The following BOD1L1 variants were observed in gnomAD, a reference collection of about 807,000 sequenced individuals.
BOD1L1 encodes biorientation of chromosomes in cell division 1 like 1, also known as biorientation of chromosomes in cell division protein 1-like 1.
BOD1L1 carries 86 observed loss-of-function variants against 240.7 expected under a neutral mutation model. The observed-to-expected ratio is 0.36, with a 90% CI of 0.30 to 0.43. BOD1L1 has a LOEUF of 0.43. BOD1L1 is among the 20% of genes least tolerant of loss of function. BOD1L1 has a pLI of 1.00. For synonymous variants in BOD1L1, 1,268 were observed against 1,272.3 expected, an observed-to-expected ratio of 1.00 and a Z score of 0.07; for missense variants, 3,554 against 3,643.5, an observed-to-expected ratio of 0.98 and a Z score of 0.63.
At chr4:13,617,327 CTT>C (rs1368813126) in intron 2 of BOD1L1, among the ~76,000 whole-genome samples, 1 of 152,004 alleles carries the variant, frequency 6.6e-6, no homozygotes, top group Non-Finnish European at 1.5e-5. Context: ...GCTTCAGTCT[CTT>C]TCTCTGTTTG....
At chr4:13,578,235 T>C (rs1712929021) in intron 22 of BOD1L1, 1 of 152,004 alleles carries the variant, frequency 6.6e-6, no homozygotes, top group South Asian at 2.1e-4. Flanking sequence ...CCCTTTCAGC[T>C]TAAATGTTCT....
intron 14 of BOD1L1, 54 bp downstream of exon 14, chr4:13,590,332 C>A: frequency 1.0e-6 from 1 of 966,330 alleles, no homozygotes; most frequent in South Asian, 1.6e-5. Context: ...AGACCACACT[C>A]AATAAATGTT....
intron 1 of BOD1L1, chr4:13,625,489 C>T (rs1302064059): frequency 6.6e-6 from 1 of 152,188 alleles, no homozygotes; most frequent in Non-Finnish European, 1.5e-5. Flanking sequence ...ATACCAATAA[C>T]ATTTTGTGGG....
intron 25 of BOD1L1, among the ~76,000 whole-genome samples, chr4:13,574,661 C>A (rs73110072): frequency 0.021 from 3,210 of 152,204 alleles, 120 homozygotes; most frequent in African/African-American, 0.074. Flanking sequence ...TACCCAAATG[C>A]ATGGGTGTTG....
chr4:13,580,887 A>G (rs1713171951), intron 21 of BOD1L1, 133 bp downstream of exon 21: 2 of 767,030 alleles, frequency 2.6e-6, no homozygotes, highest in Non-Finnish European at 4.0e-6. Flanking sequence ...TAATCAAAAT[A>G]TATGAATGGT....
At chr4:13,618,428 A>G (rs550957910) in intron 2 of BOD1L1, among the ~76,000 whole-genome samples, 25 of 152,312 alleles carry the variant, frequency 1.6e-4, no homozygotes, top group African/African-American at 6.0e-4. Context: ...TATTTTGGTC[A>G]TTGTTCTCTT....
intron 6 of BOD1L1, among the ~76,000 whole-genome samples, 160 bp from the exon 7 acceptor site, chr4:13,609,566 CTCTG>C (rs1486206558): frequency 1.3e-5 from 2 of 152,044 alleles, no homozygotes; most frequent in African/African-American, 4.8e-5. Context: ...ACACATTTAT[CTCTG>C]TGTGTATACA....
chr4:13,619,280 G>A (rs1357901655), intron 2 of BOD1L1, among the ~76,000 whole-genome samples: 1 of 142,774 alleles, frequency 7.0e-6, no homozygotes, highest in Non-Finnish European at 1.5e-5. Flanking sequence ...CTGCACTCCT[G>A]CCTGGGGAAC....
At chr4:13,573,474 T>TCTATCTA (rs1560175491) in intron 25 of BOD1L1, among the ~76,000 whole-genome samples, 748 of 23,798 alleles carry the variant, frequency 0.031, 8 homozygotes, top group Middle Eastern at 0.056. Flanking sequence ...CTATCTATCT[T>TCTATCTA]TCTTTCTTTC....
chr4:13,582,352 G>T, intron 18 of BOD1L1, 42 bp from the exon 19 acceptor site: 1 of 1,527,830 alleles, frequency 6.5e-7, no homozygotes, highest in Non-Finnish European at 9.0e-7. Context: ...AGTGACCATG[G>T]TCAGCCTTCC....
rs1239410282 is a variant in BOD1L1, at chr4:13,599,573, G to A, written c.7327C>T (p.Pro2443Ser). 6.2e-7 allele frequency: 1 copy of A among 1,613,956 alleles called. No homozygotes were observed. Residue 2443 changes from proline (P) to serine (S), a missense_variant, in exon 10 of 26, where the codon CCA becomes TCA. Pro to Ser is a moderately conservative substitution (Grantham distance 74). Transcript: ENST00000040738. ...TCTTTCTGTCCTCTTCCTGCAAATG[G>A]TCCTATTTCGGGGCACTCCTTGCCA... ...KHGKECPEIG[P>S]FAGRGQKEST...
chr4:13,614,674 T>G lies in BOD1L1; in HGVS notation c.696A>C (p.Arg232Ser), dbSNP rs775504939. 6.2e-7 allele frequency: 1 copy of G among 1,613,910 alleles called. No homozygotes were observed. The highest frequency in any genetic ancestry group is 8.5e-7 in the Non-Finnish European group (1 of 1,179,862). ...GCTGAGATGGAAGTTTTTTTGACGC[T>G]CTCTCACTGGTCTTGGCATTTGATG... ...TETSNAKTSERASKKLPSQPT... is the reference protein window; with the variant it reads ...TETSNAKTSESASKKLPSQPT... Residue 232 changes from arginine to serine, a missense_variant, in exon 4 of 26, where the codon AGA becomes AGC. By Grantham distance (110) the Arg-to-Ser change is moderately radical. This residue lies in a region of BOD1L1 where 3,393 missense variants were observed against 3,427.1 expected (regional missense o/e 0.99). Transcript: ENST00000040738.
intron 10 of BOD1L1, 88 bp downstream of exon 10, chr4:13,598,858 C>A: frequency 1.5e-6 from 2 of 1,339,118 alleles, no homozygotes; most frequent in Non-Finnish European, 2.0e-6. Context: ...GGAACCAAAA[C>A]CATCTTTTGG....
chr4:13,597,266 T>G, intron 10 of BOD1L1, 98 bp from the exon 11 acceptor site: 1 of 828,708 alleles, frequency 1.2e-6, no homozygotes, highest in Non-Finnish European at 2.0e-6. Flanking sequence ...GACATGCTGT[T>G]GCACCTTCCT....
At chr4:13,572,610 A>C in intron 25 of BOD1L1, 8 of 1,154,230 alleles carry the variant, frequency 6.9e-6, no homozygotes, top group South Asian at 1.5e-5. Flanking sequence ...TTGGTGAGAC[A>C]AAATCTTAAA....
intron 1 of BOD1L1, chr4:13,626,319 CAA>C (rs71169520): frequency 2.7e-3 from 128 of 47,022 alleles, no homozygotes; most frequent in African/African-American, 0.01. Context: ...GACTCTGTCT[CAA>C]AAAAAAAAAA....
intron 1 of BOD1L1, among the ~76,000 whole-genome samples, chr4:13,622,880 G>A (rs1409215283): frequency 6.6e-6 from 1 of 152,208 alleles, no homozygotes; most frequent in Non-Finnish European, 1.5e-5. Context: ...CTGAGCTCGA[G>A]TAAAAGCCAA....
intron 12 of BOD1L1, chr4:13,593,154 A>T (rs1307068671): frequency 1.3e-5 from 2 of 152,126 alleles, no homozygotes; most frequent in Non-Finnish European, 2.9e-5. Flanking sequence ...AAACCCTAAG[A>T]AATCTGAAAT....
rs1237345486 is a variant in BOD1L1 at position 13,603,753 on chromosome 4, G to T, written c.3147C>A (p.Asp1049Glu). The T allele has an allele frequency of 6.2e-7, 1 of 1,613,708 alleles. No individual in the cohort carries two copies. Among genetic ancestry groups the T allele is most frequent in the Admixed American group, 1.7e-5 (1 of 59,974 alleles). Residue 1049 changes from aspartate to glutamate, a missense_variant, in exon 10 of 26, where the codon GAC (aspartate) becomes GAA (glutamate). Around this residue, in one of 2 missense-constraint regions of BOD1L1, gnomAD observed 3,393 missense variants for 3,427.1 expected, o/e 0.99. Coordinates refer to ENST00000040738, the MANE Select transcript of BOD1L1 (RefSeq NM_148894.3). ...TACCTCTGGCCTTTTCATGACTACT[G>T]TCAACTTCTTTACCATCCTTGTCAT... ...KSDDKDGKEV[D>E]SSHEKARGNS...
Sources: gnomAD v4.1 joint callset for allele counts (sites outside exome capture counted in the v4.1 genomes callset) on GRCh38, gnomAD v4.1.1 for gene constraint, gnomAD v4.1.1 regional missense constraint, MANE v1.5 for transcripts, NCBI Gene and HGNC (gene_info 2026-07-23, HGNC 2026-07-21) for gene names.